The following DYNC1I2 variants were observed in gnomAD, a reference collection of about 807,000 sequenced individuals.
The protein encoded by DYNC1I2 is cytoplasmic dynein 1 intermediate chain 2.
DYNC1I2 carries 53 observed loss-of-function variants against 88.6 expected under a neutral mutation model. The observed-to-expected ratio is 0.60, with a 90% confidence interval of 0.48 to 0.75. DYNC1I2 has a LOEUF of 0.75. Ranked by LOEUF, DYNC1I2 falls within the 30% of genes least tolerant of loss-of-function variation. The pLI is 0.00. For synonymous variants in DYNC1I2, 198 were observed against 254.6 expected, an observed-to-expected ratio of 0.78 and a Z score of 2.12; for missense variants, 458 against 766.6, an observed-to-expected ratio of 0.60 and a Z score of 4.75.
At chr2:171,708,065 T>TCACACACA (rs1331169485) in intron 5 of DYNC1I2, among the ~76,000 whole-genome samples, 7 of 148,824 alleles carry the variant, frequency 4.7e-5, no homozygotes, top group African/African-American at 1.7e-4. Flanking sequence ...TCTTTGTCTC[T>TCACACACA]CTCACACACA....
chr2:171,741,615 G>T (rs749551669), intron 15 of DYNC1I2, among the ~76,000 whole-genome samples: 13 of 152,202 alleles, frequency 8.5e-5, no homozygotes, highest in Non-Finnish European at 1.6e-4. Context: ...TTCTCCCATT[G>T]TGTAGGTTCT....
chr2:171,701,179 T>C (rs1686227298), intron 3 of DYNC1I2, among the ~76,000 whole-genome samples: 2 of 152,172 alleles, frequency 1.3e-5, no homozygotes, highest in Admixed American at 1.3e-4. Context: ...AAGAGATCAT[T>C]CCCCTGCTAT....
At chr2:171,688,298 T>A (rs1331574147) in intron 1 of DYNC1I2, 5 of 152,170 alleles carry the variant, frequency 3.3e-5, no homozygotes, top group South Asian at 2.1e-4. Flanking sequence ...CTCTAGAGAC[T>A]CTCTTCTCTT....
At chr2:171,739,616 T>C (rs563428312) in intron 15 of DYNC1I2, among the ~76,000 whole-genome samples, 135 of 151,890 alleles carry the variant, frequency 8.9e-4, no homozygotes, top group Admixed American at 2.6e-3. Context: ...GGCCTATCAG[T>C]GTTCAATTTT....
At position 171,706,688 on chromosome 2, in the gene DYNC1I2, T is replaced by G. The variant is rs1686702281; in HGVS notation, c.244+124T>G. On this transcript the variant is annotated intron_variant, in intron 4 of 17. Coordinates refer to ENST00000397119, the MANE Select transcript of DYNC1I2 (RefSeq NM_001378.3). ...ATTTTTCACCCAAATTGCTGGAAAC[T>G]AATGAACATTTTAAAGGAGCCATTC... The G allele has an allele frequency of 7.2e-6, 6 of 835,818 alleles. No homozygotes were observed. The South Asian group carries it at 1.0e-4, about 14-fold the overall frequency. 51.8% of individuals were successfully genotyped at this position (835,818 alleles called of 1,614,324 possible).
rs1451047535 is a variant in DYNC1I2 at position 171,744,098 on chromosome 2, A to G, written c.1586A>G (p.Asp529Gly). The G allele has an allele frequency of 1.2e-6, 2 of 1,612,852 alleles. No homozygotes were observed. Among genetic ancestry groups the G allele is most frequent in the Non-Finnish European group, 1.7e-6 (2 of 1,179,614 alleles). Residue 529 changes from aspartate to glycine, a missense_variant, in exon 16 of 18, where the codon GAT becomes GGT. By Grantham distance (94) the Asp-to-Gly change is moderately conservative. This residue lies in a region of DYNC1I2 where 188 missense variants were observed against 300.4 expected (regional missense o/e 0.63). Transcript: ENST00000397119. ...GAAGATAATGCAGACTATGTTTATG[A>G]TGTTATGTGGTCACCTACCCACCCA... The part of the protein sequence containing the change: ...SFEDNADYVY[D>G]VMWSPTHPAL...
rs1689916681 is a variant in DYNC1I2 at position 171,747,962 on chromosome 2, T to C, written c.*73T>C. 2 of 1,101,562 alleles carry C rather than the reference T, an allele frequency of 1.8e-6. No individual in the cohort carries two copies. The highest frequency in any genetic ancestry group is 2.6e-6 in the Non-Finnish European group (2 of 756,018). The allele number at this position is 1,101,562 out of a possible 1,614,324, so 68.2% of individuals were successfully genotyped here. On this transcript the variant is annotated 3_prime_UTR_variant, in exon 18 of 18. Coordinates refer to ENST00000397119, the MANE Select transcript of DYNC1I2 (RefSeq NM_001378.3). ...GTAGATCCTGAGACTATTTGCATGC[T>C]TCTGTCTAAATGATAATTAAAAGGA...
At chr2:171,731,126 G>C (rs1453821432) in intron 15 of DYNC1I2, among the ~76,000 whole-genome samples, 1 of 152,112 alleles carries the variant, frequency 6.6e-6, no homozygotes, top group Non-Finnish European at 1.5e-5. Flanking sequence ...CCTCTTAATG[G>C]GGATCGGACA....
Position 171,742,523 on chromosome 2 carries a change from G to A in DYNC1I2, c.1537-1526G>A, listed in dbSNP as rs150791658. ...TCTAGTTTTCCCAGCACCATTTCTTGAAAAGACTATTCCTTTCCTATCTAA... is the reference window on the plus strand; with the variant it reads ...TCTAGTTTTCCCAGCACCATTTCTTAAAAAGACTATTCCTTTCCTATCTAA... On this transcript the variant is annotated intron_variant, in intron 15 of 17. Transcript: ENST00000397119. Among the ~76,000 whole-genome samples the A allele has an allele frequency of 3.0e-3, 461 of 152,204 alleles. 1 individual carries two copies. Among genetic ancestry groups the A allele is most frequent in the African/African-American group, 0.01 (426 of 41,544 alleles).
At chr2:171,722,024 A>G (rs1195963991) in intron 7 of DYNC1I2, among the ~76,000 whole-genome samples, 2 of 152,162 alleles carry the variant, frequency 1.3e-5, no homozygotes, top group South Asian at 4.1e-4. Flanking sequence ...CTTATCTTAA[A>G]TGTATCTTAA....
At chr2:171,736,265 C>T (rs560949591) in intron 15 of DYNC1I2, among the ~76,000 whole-genome samples, 19 of 152,338 alleles carry the variant, frequency 1.2e-4, no homozygotes, top group South Asian at 1.2e-3. Context: ...AATGTCCAGC[C>T]TCTCCTTTGC....
intron 5 of DYNC1I2, 126 bp downstream of exon 5, chr2:171,707,503 G>C: frequency 3.9e-6 from 3 of 762,442 alleles, no homozygotes; most frequent in Non-Finnish European, 5.7e-6. Context: ...ATCTAAAATG[G>C]CATAGAAATT....
At chr2:171,718,216 C>CT in intron 7 of DYNC1I2, among the ~76,000 whole-genome samples, 1 of 152,274 alleles carries the variant, frequency 6.6e-6, no homozygotes, top group East Asian at 1.9e-4. Flanking sequence ...CCTTGGCCTC[C>CT]CATAGTGCTG....
intron 3 of DYNC1I2, among the ~76,000 whole-genome samples, chr2:171,697,916 T>G (rs2105486242): frequency 1.3e-5 from 2 of 152,258 alleles, no homozygotes; most frequent in South Asian, 4.1e-4. Flanking sequence ...CTGAACTTTT[T>G]TGGCAAGAAA....
intron 4 of DYNC1I2, chr2:171,707,054 G>C: frequency 1.6e-6 from 1 of 616,058 alleles, no homozygotes; most frequent in Non-Finnish European, 2.8e-6. Flanking sequence ...AAATTATAAA[G>C]CTCAAATGCA....
Position 171,695,360 on chromosome 2 carries a change from A to G in DYNC1I2, c.226+2466A>G, listed in dbSNP as rs186290614. ...ATGATCCGCCTTCTTCGGCCTCCCA[A>G]AGTGCTTGGATTACAGGTGTTAGCC... On this transcript the variant is annotated intron_variant, in intron 3 of 17. Transcript: ENST00000397119. Among the ~76,000 whole-genome samples the G allele has an allele frequency of 9.2e-4, 140 of 152,042 alleles. 1 individual carries two copies. The highest frequency in any genetic ancestry group is 1.5e-4 in the Non-Finnish European group (10 of 67,968).
chr2:171,722,692 ATGT>A (rs1401520312), intron 7 of DYNC1I2, among the ~76,000 whole-genome samples: 1 of 152,176 alleles, frequency 6.6e-6, no homozygotes, highest in African/African-American at 2.4e-5. Flanking sequence ...GATGTTATTG[ATGT>A]TAGGCATTTT....
At chr2:171,743,441 C>T (rs2105781460) in intron 15 of DYNC1I2, among the ~76,000 whole-genome samples, 1 of 152,240 alleles carries the variant, frequency 6.6e-6, no homozygotes, top group Non-Finnish European at 1.5e-5. Context: ...AAACTGCCCC[C>T]TAGTTTTTGC....
chr2:171,692,464 A>G lies in DYNC1I2; in HGVS notation c.109-313A>G, dbSNP rs574371902. ...GAAGTTGTCTATTATTCCTGACCAT[A>G]GACAGCAATTTCATACTGTAGATAA... On this transcript the variant is annotated intron_variant, in intron 2 of 17. Coordinates refer to ENST00000397119, the MANE Select transcript of DYNC1I2 (RefSeq NM_001378.3). Among the ~76,000 whole-genome samples, 3 of 152,252 alleles carry G rather than the reference A, an allele frequency of 2.0e-5. No individual in the cohort carries two copies. In the Middle Eastern group the frequency reaches 0.01, roughly 518 times the overall value.
Sources: allele counts gnomAD v4.1 joint callset (sites outside exome capture counted in the v4.1 genomes callset), GRCh38; gene constraint gnomAD v4.1.1; regional missense constraint gnomAD v4.1.1; transcripts MANE v1.5; gene names NCBI Gene and HGNC (gene_info 2026-07-23, HGNC 2026-07-21).